PEX5L: variants seen among roughly 807,000 people sequenced by gnomAD.
The protein encoded by PEX5L is peroxisomal biogenesis factor 5 like.
A neutral mutation model predicts 84.0 loss-of-function variants in PEX5L; 30 were observed. The observed-to-expected ratio is 0.36, with a 90% confidence interval of 0.27 to 0.48. The LOEUF (loss-of-function observed/expected upper bound fraction) is 0.48. Among genes scored for constraint, PEX5L ranks in the 20% least tolerant of loss-of-function variants. The pLI, the probability that PEX5L is intolerant of heterozygous loss-of-function variation, is 0.99. For missense variants in PEX5L, 533 were observed against 754.6 expected, an observed-to-expected ratio of 0.71 and a Z score of 3.44; for synonymous variants, 270 against 283.1, an observed-to-expected ratio of 0.95 and a Z score of 0.46.
chr3:180,018,004 C>G (rs760413891), intron 1 of PEX5L, among the ~76,000 whole-genome samples: 1 of 152,132 alleles, frequency 6.6e-6, no homozygotes, highest in African/African-American at 2.4e-5. Flanking sequence ...TTAGCACCCA[C>G]AGTTTGGAAA....
intron 1 of PEX5L, among the ~76,000 whole-genome samples, chr3:180,013,232 T>C (rs1789646722): frequency 6.6e-6 from 1 of 152,228 alleles, no homozygotes; most frequent in South Asian, 2.1e-4. Flanking sequence ...ACACTTTTTG[T>C]AATGTTAAAG....
rs201987750 is a variant in PEX5L at position 179,800,842 on chromosome 3, A to G, written c.*986T>C. On this transcript the variant is annotated 3_prime_UTR_variant, in exon 15 of 15. Transcript: ENST00000467460. ...TATTGGTGTGCAGGGCAAAGCCAGTAAAGTATGACACTTAAGCAAGTTAAT... is the reference window on the plus strand; with the variant it reads ...TATTGGTGTGCAGGGCAAAGCCAGTGAAGTATGACACTTAAGCAAGTTAAT... 6.6e-6 allele frequency: 1 copy of G among 152,244 alleles called. No individual in the cohort carries two copies. Among genetic ancestry groups the G allele is most frequent in the Non-Finnish European group, 1.5e-5 (1 of 68,042 alleles). The allele number at this position is 152,244 out of a possible 1,614,324, so 9.4% of individuals were successfully genotyped here. A position where few individuals can be genotyped will look rare whatever the true frequency, so the allele number is the denominator to read the frequency against.
At chr3:179,809,127 C>CTTTCA (rs902753070) in intron 12 of PEX5L, among the ~76,000 whole-genome samples, 3 of 141,488 alleles carry the variant, frequency 2.1e-5, no homozygotes, top group Non-Finnish European at 4.6e-5. Context: ...GAAGACGAGA[C>CTTTCA]TTTCATTTTC....
At chr3:179,985,494 G>A (rs1485829053) in intron 1 of PEX5L, among the ~76,000 whole-genome samples, 2 of 152,094 alleles carry the variant, frequency 1.3e-5, no homozygotes, top group Admixed American at 6.5e-5. Flanking sequence ...TGACCAGATA[G>A]GTCAAAAGGT....
At chr3:180,010,889 T>G (rs944494931) in intron 1 of PEX5L, among the ~76,000 whole-genome samples, 3 of 152,162 alleles carry the variant, frequency 2.0e-5, no homozygotes, top group African/African-American at 7.2e-5. Context: ...TTGACATTAC[T>G]CCTTCTTAAT....
chr3:179,969,450 A>C (rs9822440), intron 2 of PEX5L, among the ~76,000 whole-genome samples: 36,646 of 151,938 alleles, frequency 0.24, 4,752 homozygotes, highest in East Asian at 0.51. Context: ...TCTGGAAAAC[A>C]AATGTACATA....
rs1762423661 is a variant in PEX5L at position 179,904,377 on chromosome 3, CTGGG to C, written c.94-6135_94-6132del. 3.3e-5 allele frequency among the ~76,000 whole-genome samples: 5 copies of C among 152,302 alleles called. No individual in the cohort carries two copies. In the South Asian group the frequency reaches 1.0e-3, roughly 32 times the overall value. ...ATTGACACTATTTGTTTTACCCAGA[CTGGG>C]AATGTGATCAAGTGGGGGAAGGGAG... On this transcript the variant is annotated intron_variant, in intron 2 of 14. Coordinates refer to ENST00000467460, the MANE Select transcript of PEX5L (RefSeq NM_016559.3).
intron 2 of PEX5L, among the ~76,000 whole-genome samples, chr3:179,958,744 T>G (rs143210808): frequency 3.9e-5 from 6 of 152,312 alleles, no homozygotes; most frequent in Non-Finnish European, 7.4e-5. Flanking sequence ...TTTAAGATAC[T>G]TAACTTGTCT....
intron 1 of PEX5L, among the ~76,000 whole-genome samples, chr3:180,024,371 T>TATATATATATATATATATATATATATAC (rs1790721668): frequency 1.1e-5 from 1 of 90,992 alleles, no homozygotes; most frequent in African/African-American, 8.3e-5. Context: ...TATATATATA[T>TATATATATATATATATATATATATATAC]ATACACACAC....
intron 1 of PEX5L, among the ~76,000 whole-genome samples, chr3:179,994,605 T>C (rs907891217): frequency 6.6e-6 from 1 of 152,072 alleles, no homozygotes; most frequent in African/African-American, 2.4e-5. Flanking sequence ...GGAAAAACCA[T>C]GTACATAAAT....
At position 179,986,615 on chromosome 3, in the gene PEX5L, G is replaced by A. The variant is rs192575091; in HGVS notation, c.22-14950C>T. Among the ~76,000 whole-genome samples the A allele has an allele frequency of 1.8e-4, 28 of 152,076 alleles. No homozygotes were observed. In the East Asian group the frequency reaches 4.5e-3, roughly 24 times the overall value. On this transcript the variant is annotated intron_variant, in intron 1 of 14. Transcript: ENST00000467460. ...GACGGGGTTTCACCGTGTTAGCCAG[G>A]ATAGTCTCTATCTCCTGACCTCGTG...
chr3:179,915,699 T>C (rs957025524), intron 2 of PEX5L, among the ~76,000 whole-genome samples: 3 of 152,164 alleles, frequency 2.0e-5, no homozygotes, highest in Non-Finnish European at 4.4e-5. Context: ...AGGTCACCCC[T>C]GGAGAAGATG....
intron 1 of PEX5L, among the ~76,000 whole-genome samples, chr3:180,008,654 C>A (rs1341287553): frequency 6.6e-6 from 1 of 152,118 alleles, no homozygotes; most frequent in Non-Finnish European, 1.5e-5. Flanking sequence ...TGGCAGGAGG[C>A]AAAAGGAACT....
At chr3:179,974,379 C>T (rs1167712228) in intron 1 of PEX5L, 1 of 163,562 alleles carries the variant, frequency 6.1e-6, no homozygotes, top group African/African-American at 2.4e-5. Context: ...AAGGTTAGGC[C>T]CCTGTCTCCC....
At chr3:179,806,803 T>TA (rs1355591917) in intron 14 of PEX5L, among the ~76,000 whole-genome samples, 1 of 152,178 alleles carries the variant, frequency 6.6e-6, no homozygotes, top group African/African-American at 2.4e-5. Context: ...AAATTGAGGC[T>TA]AAAAATTATA....
Position 180,029,531 on chromosome 3 carries a change from T to C in PEX5L, c.21+7048A>G, listed in dbSNP as rs563140098. ...GCTGGTCGTTATGGAGTCAATATAATGAAGACATTTTTATTCAAGTATAGT... is the reference window on the plus strand; with the variant it reads ...GCTGGTCGTTATGGAGTCAATATAACGAAGACATTTTTATTCAAGTATAGT... On this transcript the variant is annotated intron_variant, in intron 1 of 14. Transcript: ENST00000467460. 2.6e-5 allele frequency among the ~76,000 whole-genome samples: 4 copies of C among 152,356 alleles called. No individual in the cohort carries two copies. In the South Asian group the frequency reaches 8.3e-4, roughly 32 times the overall value.
chr3:179,823,168 C>G (rs1445477019), intron 8 of PEX5L, among the ~76,000 whole-genome samples: 1 of 152,084 alleles, frequency 6.6e-6, no homozygotes, highest in East Asian at 1.9e-4. Context: ...AATATAAAAG[C>G]TGTGCATAGT....
chr3:179,849,995 A>T (rs923348786), intron 8 of PEX5L, among the ~76,000 whole-genome samples: 1 of 152,252 alleles, frequency 6.6e-6, no homozygotes, highest in Admixed American at 6.5e-5. Context: ...TATAGTAGAT[A>T]TCAAAAAGAA....
At chr3:179,892,814 G>GA (rs955832421) in intron 3 of PEX5L, among the ~76,000 whole-genome samples, 2 of 151,832 alleles carry the variant, frequency 1.3e-5, no homozygotes, top group East Asian at 3.9e-4. Flanking sequence ...AATGCCTAAT[G>GA]AAAAAAAATT....
Sources: gnomAD v4.1 joint callset for allele counts (sites outside exome capture counted in the v4.1 genomes callset) on GRCh38, gnomAD v4.1.1 for gene constraint, MANE v1.5 for transcripts, NCBI Gene and HGNC (gene_info 2026-07-23, HGNC 2026-07-21) for gene names.